CCDC73: variants seen among roughly 807,000 people sequenced by gnomAD.
CCDC73 encodes coiled-coil domain-containing protein 73.
CCDC73 carries 95 observed loss-of-function variants against 116.5 expected under a neutral mutation model. The ratio of observed to expected loss-of-function variants is 0.82; its 90% CI spans 0.69 to 0.97. CCDC73 has a LOEUF of 0.97. Among genes scored for constraint, CCDC73 ranks in the 50% least tolerant of loss-of-function variants. The probability of loss-of-function intolerance (pLI) is 0.00; values close to 1 mark genes in which losing one functional copy is unlikely to be tolerated. For missense variants in CCDC73, 1,066 were observed against 1,206.8 expected, an observed-to-expected ratio of 0.88 and a Z score of 1.73; for synonymous variants, 398 against 401.3, an observed-to-expected ratio of 0.99 and a Z score of 0.10.
At chr11:32,743,429 C>A (rs1048832960) in intron 2 of CCDC73, among the ~76,000 whole-genome samples, 1 of 152,122 alleles carries the variant, frequency 6.6e-6, no homozygotes, top group African/African-American at 2.4e-5. Flanking sequence ...TCCTGAATGA[C>A]TGCTGGGTAA....
chr11:32,652,702 G>A (rs770068995), intron 12 of CCDC73, among the ~76,000 whole-genome samples: 48 of 152,010 alleles, frequency 3.2e-4, no homozygotes, highest in Non-Finnish European at 5.3e-4. Flanking sequence ...TGGTAACAGC[G>A]CCAATTTTAT....
At chr11:32,749,705 C>T (rs1417091972) in intron 2 of CCDC73, among the ~76,000 whole-genome samples, 1 of 151,986 alleles carries the variant, frequency 6.6e-6, no homozygotes, top group Non-Finnish European at 1.5e-5. Context: ...GTGTTGTGAT[C>T]TAAGTTTTTT....
intron 9 of CCDC73, among the ~76,000 whole-genome samples, chr11:32,660,615 A>C (rs1170655258): frequency 6.6e-6 from 1 of 152,106 alleles, no homozygotes; most frequent in Admixed American, 6.5e-5. Flanking sequence ...ACTTGAGCCT[A>C]GGAATTTAAG....
At chr11:32,766,921 A>G (rs533258288) in intron 1 of CCDC73, among the ~76,000 whole-genome samples, 188 of 152,360 alleles carry the variant, frequency 1.2e-3, no homozygotes, top group African/African-American at 4.4e-3. Context: ...ATTCAATGCC[A>G]TCCCCATCAA....
At chr11:32,768,868 G>A (rs530334969) in intron 1 of CCDC73, among the ~76,000 whole-genome samples, 36 of 152,096 alleles carry the variant, frequency 2.4e-4, no homozygotes, top group Admixed American at 8.5e-4. Context: ...AAAGAAAAGA[G>A]ACAAAGACAA....
chr11:32,663,075 G>C (rs1855945994), intron 9 of CCDC73, among the ~76,000 whole-genome samples: 1 of 152,158 alleles, frequency 6.6e-6, no homozygotes, highest in Admixed American at 6.5e-5. Flanking sequence ...GTACCATGCT[G>C]TTTTGGTTAC....
intron 2 of CCDC73, among the ~76,000 whole-genome samples, chr11:32,732,711 C>G (rs965408718): frequency 2.0e-5 from 3 of 152,204 alleles, no homozygotes; most frequent in East Asian, 3.9e-4. Flanking sequence ...TACAGACAAG[C>G]AAATGCTGAG....
At chr11:32,776,523 C>T (rs1850533632) in intron 1 of CCDC73, among the ~76,000 whole-genome samples, 1 of 152,082 alleles carries the variant, frequency 6.6e-6, no homozygotes, top group Admixed American at 6.6e-5. Flanking sequence ...CTCATTTTCA[C>T]CTCTGTACCT....
intron 1 of CCDC73, among the ~76,000 whole-genome samples, chr11:32,776,777 A>G (rs1211078605): frequency 6.6e-6 from 1 of 151,440 alleles, no homozygotes; most frequent in East Asian, 1.9e-4. Context: ...CTCTTCTTTC[A>G]TTCACTCCCC....
At chr11:32,658,163 C>A (rs547696210) in intron 9 of CCDC73, among the ~76,000 whole-genome samples, 15 of 152,290 alleles carry the variant, frequency 9.8e-5, no homozygotes, top group African/African-American at 2.9e-4. Flanking sequence ...GCTAATCATT[C>A]TCCCACTACT....
At chr11:32,807,862 G>C in the CCDC73 span, among the ~76,000 whole-genome samples, 1 of 152,156 alleles carries the variant, frequency 6.6e-6, no homozygotes. Flanking sequence ...GGCAACTTTA[G>C]TTTGCCCACC....
chr11:32,729,929 T>C (rs557977115), intron 2 of CCDC73, among the ~76,000 whole-genome samples: 1 of 152,344 alleles, frequency 6.6e-6, no homozygotes, highest in South Asian at 2.1e-4. Context: ...AGTAGAGACA[T>C]TGTTTATGTA....
At chr11:32,708,310 T>TTG (rs1849872287) in intron 3 of CCDC73, among the ~76,000 whole-genome samples, 1 of 152,240 alleles carries the variant, frequency 6.6e-6, no homozygotes, top group African/African-American at 2.4e-5. Context: ...ACTATGGCCT[T>TTG]GTAGAATAGT....
intron 14 of CCDC73, among the ~76,000 whole-genome samples, chr11:32,629,935 C>CA (rs61061465): frequency 4.3e-4 from 53 of 123,352 alleles, no homozygotes; most frequent in Admixed American, 1.4e-3. Context: ...AAAAAAAAAA[C>CA]AAAAAAAAAA....
At chr11:32,639,482 C>T (rs1239602120) in intron 13 of CCDC73, among the ~76,000 whole-genome samples, 4 of 151,474 alleles carry the variant, frequency 2.6e-5, no homozygotes, top group Non-Finnish European at 5.9e-5. Flanking sequence ...TGGAGTCTCA[C>T]TCTGTTGCCT....
intron 17 of CCDC73, among the ~76,000 whole-genome samples, chr11:32,607,120 T>C (rs1389888366): frequency 8.9e-6 from 1 of 112,840 alleles, no homozygotes; most frequent in East Asian, 3.1e-4. Flanking sequence ...TGAGACGGAG[T>C]CTCGCTCTGT....
At chr11:32,793,469 A>T (rs1466591835) in intron 1 of CCDC73, among the ~76,000 whole-genome samples, 2 of 152,224 alleles carry the variant, frequency 1.3e-5, no homozygotes, top group Non-Finnish European at 2.9e-5. Flanking sequence ...TATAAGCAGA[A>T]GACTCCGTGG....
chr11:32,620,711 G>A lies in CCDC73; in HGVS notation c.1186-4582C>T, dbSNP rs1215133363. On this transcript the variant is annotated intron_variant, in intron 14 of 17. Transcript: ENST00000335185. ...TAATCCAGCTCACACTCAAGTGGAG[G>A]GGATTATAAAAGAGCAATGAGTAAC... 2.0e-5 allele frequency among the ~76,000 whole-genome samples: 3 copies of A among 151,838 alleles called. No individual in the cohort carries two copies. The East Asian group carries it at 5.8e-4, about 29-fold the overall frequency.
intron 4 of CCDC73, among the ~76,000 whole-genome samples, chr11:32,702,516 A>G (rs1159626748): frequency 9.2e-5 from 14 of 152,174 alleles, no homozygotes. Context: ...ACTTGGGTAA[A>G]GCGGTACTAT....
Sources: allele counts gnomAD v4.1 joint callset (sites outside exome capture counted in the v4.1 genomes callset), GRCh38; gene constraint gnomAD v4.1.1; transcripts MANE v1.5; gene names NCBI Gene and HGNC (gene_info 2026-07-23, HGNC 2026-07-21).